Variants in TIAM2 observed in about 807,000 individuals in gnomAD.
TIAM2 encodes TIAM Rac1 associated GEF 2, also known as rho guanine nucleotide exchange factor TIAM2.
A neutral mutation model predicts 152.9 loss-of-function variants in TIAM2; 80 were observed. That is an observed-to-expected ratio of 0.52 (90% CI 0.44 to 0.63). TIAM2 has a LOEUF of 0.63. Among genes scored for constraint, TIAM2 ranks in the 30% least tolerant of loss-of-function variants. The pLI, the probability that TIAM2 is intolerant of heterozygous loss-of-function variation, is 0.00. For synonymous variants in TIAM2, 804 were observed against 838.0 expected (o/e 0.96, Z 0.70); for missense variants, 1,965 against 2,120.1 (o/e 0.93, Z 1.44).
intron 21 of TIAM2, 117 bp from the exon 22 acceptor site, chr6:155,250,796 A>C (rs1783608135): frequency 8.1e-7 from 1 of 1,227,450 alleles, no homozygotes. Flanking sequence ...GGTATCATAA[A>C]AATTAAACCA....
At chr6:155,026,524 C>T (rs1315440065) in intron 1 of TIAM2, among the ~76,000 whole-genome samples, 3 of 152,186 alleles carry the variant, frequency 2.0e-5, no homozygotes, top group Non-Finnish European at 4.4e-5. Flanking sequence ...AACTACAGAA[C>T]ACTGGGGGAG....
chr6:155,155,120 A>C (rs1437113830), intron 7 of TIAM2, among the ~76,000 whole-genome samples: 1 of 152,116 alleles, frequency 6.6e-6, no homozygotes. Context: ...GGAGATGGTG[A>C]AAGTGTTATT....
chr6:155,220,134 C>T (rs1781992874), intron 15 of TIAM2, among the ~76,000 whole-genome samples: 1 of 152,224 alleles, frequency 6.6e-6, no homozygotes, highest in African/African-American at 2.4e-5. Context: ...GGCAGTGGGG[C>T]TGTTGGCATG....
chr6:155,134,408 T>G, intron 4 of TIAM2, among the ~76,000 whole-genome samples: 1 of 72,964 alleles, frequency 1.4e-5, no homozygotes, highest in Admixed American at 1.7e-4. Flanking sequence ...CCCCCCCCCA[T>G]TTCTGAAAAA....
intron 14 of TIAM2, among the ~76,000 whole-genome samples, chr6:155,188,392 G>GATA (rs1313603239): frequency 6.6e-6 from 1 of 152,356 alleles, no homozygotes; most frequent in East Asian, 1.9e-4. Flanking sequence ...GGTTCAGTAT[G>GATA]AAGTTCCTCT....
At chr6:155,245,588 C>A (rs776204948) in intron 18 of TIAM2, 35 bp from the exon 19 acceptor site, 81 of 1,549,958 alleles carry the variant, frequency 5.2e-5, no homozygotes, top group Middle Eastern at 1.7e-4. Context: ...TTGATTAAAC[C>A]ATGTCTGATT....
intron 1 of TIAM2, among the ~76,000 whole-genome samples, chr6:155,089,486 C>A (rs1375128743): frequency 6.6e-6 from 1 of 152,158 alleles, no homozygotes; most frequent in African/African-American, 2.4e-5. Context: ...GGATTATAGA[C>A]ATGAGCCACC....
intron 1 of TIAM2, among the ~76,000 whole-genome samples, chr6:155,044,625 G>T (rs899545527): frequency 6.6e-6 from 1 of 152,070 alleles, no homozygotes; most frequent in African/African-American, 2.4e-5. Flanking sequence ...GACCAGCCTG[G>T]CCAACATGGT....
chr6:155,114,029 TATATA>T (rs1778931427), intron 2 of TIAM2, among the ~76,000 whole-genome samples: 3 of 51,824 alleles, frequency 5.8e-5, no homozygotes, highest in African/African-American at 8.0e-5. Flanking sequence ...TATATATATA[TATATA>T]TATTTTTTTT....
intron 15 of TIAM2, among the ~76,000 whole-genome samples, chr6:155,233,081 C>T (rs1782562989): frequency 6.6e-6 from 1 of 152,202 alleles, no homozygotes; most frequent in South Asian, 2.1e-4. Context: ...GAAAGGCGGG[C>T]ACGTAGCTCA....
At chr6:155,038,029 A>T (rs1776954169) in intron 1 of TIAM2, among the ~76,000 whole-genome samples, 1 of 152,164 alleles carries the variant, frequency 6.6e-6, no homozygotes, top group African/African-American at 2.4e-5. Flanking sequence ...GTAGGAGAAA[A>T]CAGAGTTTAA....
At chr6:155,005,329 T>G (rs1239347771) in intron 1 of TIAM2, 3 of 177,664 alleles carry the variant, frequency 1.7e-5, no homozygotes, top group African/African-American at 7.1e-5. Flanking sequence ...GTTTTTTGTT[T>G]TTGTTTTTGT....
intron 1 of TIAM2, among the ~76,000 whole-genome samples, chr6:155,075,556 A>G (rs1777937539): frequency 6.6e-6 from 1 of 152,186 alleles, no homozygotes; most frequent in Non-Finnish European, 1.5e-5. Context: ...GAGAGAATAA[A>G]GGTTGAAGAT....
chr6:155,118,432 TTTC>T (rs201913774), intron 2 of TIAM2, among the ~76,000 whole-genome samples: 23,393 of 94,828 alleles, frequency 0.25, 2,213 homozygotes, highest in East Asian at 0.48. Flanking sequence ...TCTTTTTCTT[TTTC>T]TTTTTTTTTT....
chr6:155,013,910 A>G (rs115955179), intron 1 of TIAM2: 5 of 127,572 alleles, frequency 3.9e-5, no homozygotes, highest in African/African-American at 1.4e-4. Flanking sequence ...ATGTCTATGT[A>G]TCTGTCTACA....
At chr6:155,115,268 C>T (rs1209881322) in intron 2 of TIAM2, among the ~76,000 whole-genome samples, 1 of 151,688 alleles carries the variant, frequency 6.6e-6, no homozygotes, top group Non-Finnish European at 1.5e-5. Flanking sequence ...TACTGTATTG[C>T]CCAGGCTGGT....
intron 5 of TIAM2, among the ~76,000 whole-genome samples, chr6:155,140,573 TGAGAGAGAGAGAGAGA>T (rs57939338): frequency 2.3e-4 from 25 of 107,472 alleles, no homozygotes; most frequent in Admixed American, 6.3e-4. Flanking sequence ...TGTGTGTGTG[TGAGAGAGAGAGAGAGA>T]GAGAGAGAGA....
At chr6:155,148,410 T>G in intron 7 of TIAM2, 76 bp downstream of exon 7, 1 of 1,370,896 alleles carries the variant, frequency 7.3e-7, no homozygotes, top group Non-Finnish European at 1.0e-6. Flanking sequence ...TGCTGTCATC[T>G]TGGTGGTATT....
intron 2 of TIAM2, among the ~76,000 whole-genome samples, chr6:155,126,654 C>T (rs1779304912): frequency 6.6e-6 from 1 of 152,070 alleles, no homozygotes; most frequent in Non-Finnish European, 1.5e-5. Context: ...TCGCTTGAAC[C>T]CAGGAGGCGG....
Sources: allele counts gnomAD v4.1 joint callset (sites outside exome capture counted in the v4.1 genomes callset), GRCh38; gene constraint gnomAD v4.1.1; transcripts MANE v1.5; gene names NCBI Gene and HGNC (gene_info 2026-07-23, HGNC 2026-07-21).